Variants in CYP4Z1 observed in about 807,000 individuals in gnomAD.
CYP4Z1 encodes cytochrome P450 4Z1.
CYP4Z1 carries 41 observed loss-of-function variants against 54.2 expected under a neutral mutation model. That is an observed-to-expected ratio of 0.76 (90% CI 0.59 to 0.98). The LOEUF (loss-of-function observed/expected upper bound fraction) is 0.98. Among genes scored for constraint, CYP4Z1 ranks in the 50% least tolerant of loss-of-function variants. CYP4Z1 has a pLI of 0.00. For missense variants in CYP4Z1, 513 were observed against 599.0 expected (o/e 0.86, Z 1.50); for synonymous variants, 163 against 206.2 (o/e 0.79, Z 1.79).
At chr1:47,083,258 C>T (rs1270808443) in intron 4 of CYP4Z1, among the ~76,000 whole-genome samples, 1 of 152,082 alleles carries the variant, frequency 6.6e-6, no homozygotes, top group East Asian at 1.9e-4. Flanking sequence ...TCATACTGGC[C>T]CCATATTTTC....
rs1323099354 is a variant in CYP4Z1, at chr1:47,118,097, T to C, written c.*163T>C. ...ACATCCATTAACAGTAATTTTAATTTCTTTGCTGTATCTGGTGAAACCCAC... is the reference window on the plus strand; with the variant it reads ...ACATCCATTAACAGTAATTTTAATTCCTTTGCTGTATCTGGTGAAACCCAC... On this transcript the variant is annotated 3_prime_UTR_variant, in exon 12 of 12. Transcript: ENST00000334194. 1.1e-4 allele frequency: 82 copies of C among 754,452 alleles called. No individual in the cohort carries two copies. In the East Asian group the frequency reaches 2.4e-3, roughly 22 times the overall value. The allele number at this position is 754,452 out of a possible 1,614,324, so 46.7% of individuals were successfully genotyped here. A position where few individuals can be genotyped will look rare whatever the true frequency, so the allele number is the denominator to read the frequency against.
chr1:47,059,569 A>T, the CYP4Z1 span, among the ~76,000 whole-genome samples: 1 of 152,170 alleles, frequency 6.6e-6, no homozygotes, highest in Non-Finnish European at 1.5e-5. Flanking sequence ...CTGCCCATGT[A>T]ATCTCCTGGA....
rs1301731191 is a variant in CYP4Z1 at position 47,118,246 on chromosome 1, T to G, written c.*312T>G. On this transcript the variant is annotated 3_prime_UTR_variant, in exon 12 of 12. Coordinates refer to ENST00000334194, the MANE Select transcript of CYP4Z1 (RefSeq NM_178134.3). ...AAACTCCACTCAGTATCTGCATTAC[T>G]TTTATCTCTGCAAATATCTGCATGA... The G allele has an allele frequency of 8.8e-6, 2 of 226,774 alleles. No individual in the cohort carries two copies. Among genetic ancestry groups the G allele is most frequent in the East Asian group, 9.7e-5 (1 of 10,300 alleles). The allele number at this position is 226,774 out of a possible 1,614,324, so 14.0% of individuals were successfully genotyped here.
chr1:47,067,361 C>G lies in CYP4Z1; in HGVS notation c.-130C>G, dbSNP rs551128692. The G allele has an allele frequency of 3.7e-5, 27 of 720,614 alleles. No homozygotes were observed. The East Asian group carries it at 7.5e-4, about 20-fold the overall frequency. 44.6% of individuals were successfully genotyped at this position (720,614 alleles called of 1,614,324 possible). A position where few individuals can be genotyped will look rare whatever the true frequency, so the allele number is the denominator to read the frequency against. On this transcript the variant is annotated 5_prime_UTR_variant, in exon 1 of 12. Coordinates refer to ENST00000334194, the MANE Select transcript of CYP4Z1 (RefSeq NM_178134.3). ...AATTAGGCTTCCTCTTCCTTATGTC[C>G]CCTCCCTGAATATGGCATTTTGAAA...
chr1:47,084,837 T>C lies in CYP4Z1; in HGVS notation c.631T>C (p.Tyr211His), dbSNP rs751895440. 5 of 1,520,920 alleles carry C rather than the reference T, an allele frequency of 3.3e-6. No homozygotes were observed. Among genetic ancestry groups the C allele is most frequent in the Non-Finnish European group, 4.4e-6 (5 of 1,137,532 alleles). 94.2% of individuals were successfully genotyped at this position (1,520,920 alleles called of 1,614,324 possible). A position where few individuals can be genotyped will look rare whatever the true frequency, so the allele number is the denominator to read the frequency against. ...TCCCTATTCCAGTACCCTGGACTCA[T>C]ACCTGAAAGCAGTGTTCAACCTTAG... ...SIQLDSTLDS[Y>H]LKAVFNLSKI... Residue 211 changes from tyrosine to histidine, a missense_variant, in exon 6 of 12, where the codon TAC becomes CAC. Physicochemically the swap from Tyr to His is moderately conservative, Grantham distance 83. Transcript: ENST00000334194.
At chr1:47,088,265 G>T (rs1644612550) in intron 6 of CYP4Z1, among the ~76,000 whole-genome samples, 1 of 152,052 alleles carries the variant, frequency 6.6e-6, no homozygotes, top group Non-Finnish European at 1.5e-5. Context: ...GTTTCAGAAG[G>T]AATGGTACCA....
rs1437054116 is a variant in CYP4Z1 at position 47,082,346 on chromosome 1, T to C, written c.377T>C (p.Val126Ala). 1 of 1,606,788 alleles carries C rather than the reference T, an allele frequency of 6.2e-7. No homozygotes were observed. The change falls in exon 4 of 12, where the codon GTG becomes GCG. Residue 126 changes from valine (V) to alanine (A), a missense_variant. Physicochemically the swap from Val to Ala is moderately conservative, Grantham distance 64. Coordinates refer to ENST00000334194, the MANE Select transcript of CYP4Z1 (RefSeq NM_178134.3). ...ILESWVGRGLVTLDGSKWKKH... is the reference protein window; with the variant it reads ...ILESWVGRGLATLDGSKWKKH... Reference sequence around the variant, plus strand: ...CTCATTTCATAAGGTCGAGGACTTGTGACCCTGGATGGTTCTAAATGGAAA... The same window carrying C: ...CTCATTTCATAAGGTCGAGGACTTGCGACCCTGGATGGTTCTAAATGGAAA...
intron 7 of CYP4Z1, chr1:47,096,525 T>A (rs1382599507): frequency 6.6e-6 from 1 of 152,194 alleles, no homozygotes; most frequent in East Asian, 1.9e-4. Flanking sequence ...GGGGTACATG[T>A]GGAGGATGTG....
intron 6 of CYP4Z1, among the ~76,000 whole-genome samples, chr1:47,087,833 G>A (rs1481294368): frequency 3.9e-5 from 6 of 152,140 alleles, no homozygotes; most frequent in Non-Finnish European, 8.8e-5. Flanking sequence ...CTGTGGGTTT[G>A]TCATAAATAG....
At chr1:47,105,335 G>C (rs1488266384) in intron 8 of CYP4Z1, among the ~76,000 whole-genome samples, 1 of 152,142 alleles carries the variant, frequency 6.6e-6, no homozygotes, top group African/African-American at 2.4e-5. Flanking sequence ...AGCTGCTGAG[G>C]ACTCAGGGGT....
chr1:47,117,805 A>G lies in CYP4Z1; in HGVS notation c.1389A>G (p.Lys463=). ...IGQHFAIIEC[K]VAVALTLLRF... is the part of the protein sequence containing the mutation. ...AGCATTTTGCCATAATTGAGTGTAAAGTGGCAGTGGCATTAACTCTGCTCC... is the reference window on the plus strand; with the variant it reads ...AGCATTTTGCCATAATTGAGTGTAAGGTGGCAGTGGCATTAACTCTGCTCC... Residue 463 remains lysine (K), a synonymous_variant, in exon 12 of 12, where the codon AAA becomes AAG. Coordinates refer to ENST00000334194, the MANE Select transcript of CYP4Z1 (RefSeq NM_178134.3). The G allele has an allele frequency of 6.2e-7, 1 of 1,613,642 alleles. No individual in the cohort carries two copies. Among genetic ancestry groups the G allele is most frequent in the Non-Finnish European group, 8.5e-7 (1 of 1,179,758 alleles).
chr1:47,100,646 A>G (rs2148537228), intron 8 of CYP4Z1, among the ~76,000 whole-genome samples: 2 of 152,334 alleles, frequency 1.3e-5, no homozygotes, highest in Admixed American at 1.3e-4. Flanking sequence ...AAAAGCATCT[A>G]TGCTGGTGTA....
chr1:47,101,527 T>C (rs891124085), intron 8 of CYP4Z1, among the ~76,000 whole-genome samples: 10 of 152,176 alleles, frequency 6.6e-5, no homozygotes, highest in African/African-American at 2.4e-4. Flanking sequence ...CAGGAGAATG[T>C]TGTTGAATTT....
At chr1:47,068,351 G>C (rs1644465527) in intron 1 of CYP4Z1, among the ~76,000 whole-genome samples, 1 of 152,234 alleles carries the variant, frequency 6.6e-6, no homozygotes, top group Admixed American at 6.5e-5. Context: ...ATAAGTGTCA[G>C]ATTGGGATTT....
At chr1:47,088,336 T>C (rs1006908118) in intron 6 of CYP4Z1, among the ~76,000 whole-genome samples, 4 of 152,180 alleles carry the variant, frequency 2.6e-5, no homozygotes, top group Non-Finnish European at 5.9e-5. Flanking sequence ...GTACTTTTTT[T>C]GGTTGGTAGG....
intron 8 of CYP4Z1, among the ~76,000 whole-genome samples, 179 bp from the exon 9 acceptor site, chr1:47,105,949 T>G (rs1391655224): frequency 6.6e-6 from 1 of 152,120 alleles, no homozygotes; most frequent in Admixed American, 6.5e-5. Flanking sequence ...CAGTTACATG[T>G]GAAAAGTGGT....
chr1:47,112,606 C>T (rs1232773429), intron 9 of CYP4Z1, among the ~76,000 whole-genome samples: 1 of 152,042 alleles, frequency 6.6e-6, no homozygotes, highest in Non-Finnish European at 1.5e-5. Flanking sequence ...TATTAGTACA[C>T]ATAATCCAAT....
Position 47,068,653 on chromosome 1 carries a change from A to G in CYP4Z1, c.209A>G (p.His70Arg). The G allele has an allele frequency of 6.2e-7, 1 of 1,614,164 alleles. No individual in the cohort carries two copies. Among genetic ancestry groups the G allele is most frequent in the Non-Finnish European group, 8.5e-7 (1 of 1,179,998 alleles). Residue 70 changes from histidine to arginine, a missense_variant, in exon 2 of 12, where the codon CAT (histidine) becomes CGT (arginine). Coordinates refer to ENST00000334194, the MANE Select transcript of CYP4Z1 (RefSeq NM_178134.3). ...CCAGTAAAGGAGTTTGAGGTGTATCATAAGCTGATGGAAAAATACCCATGT... is the reference window on the plus strand; with the variant it reads ...CCAGTAAAGGAGTTTGAGGTGTATCGTAAGCTGATGGAAAAATACCCATGT... ...FYPVKEFEVY[H>R]KLMEKYPCAV...
intron 6 of CYP4Z1, among the ~76,000 whole-genome samples, chr1:47,087,528 T>G (rs1644605271): frequency 1.3e-5 from 2 of 152,330 alleles, no homozygotes; most frequent in South Asian, 4.1e-4. Context: ...TGCTTGTGAT[T>G]TTTGCACATT....
Sources: gnomAD v4.1 joint callset for allele counts (sites outside exome capture counted in the v4.1 genomes callset) on GRCh38, gnomAD v4.1.1 for gene constraint, MANE v1.5 for transcripts, NCBI Gene and HGNC (gene_info 2026-07-23, HGNC 2026-07-21) for gene names.